Variants in LPP observed in about 807,000 individuals in gnomAD.
LPP encodes the protein lipoma-preferred partner.
LPP carries 38 observed loss-of-function variants against 60.4 expected under a neutral mutation model. That is an observed-to-expected ratio of 0.63 (90% CI 0.49 to 0.83). LPP has a LOEUF of 0.83. LPP is among the 40% of genes least tolerant of loss of function. LPP has a pLI of 0.00. For missense variants in LPP, 902 were observed against 783.6 expected, an observed-to-expected ratio of 1.15 and a Z score of -1.80; for synonymous variants, 328 against 290.8, an observed-to-expected ratio of 1.13 and a Z score of -1.30.
chr3:188,793,047 G>A (rs555597992), intron 9 of LPP, among the ~76,000 whole-genome samples: 4 of 152,286 alleles, frequency 2.6e-5, no homozygotes, highest in Admixed American at 2.0e-4. Flanking sequence ...CCACATCACA[G>A]GAAGCCCAGC....
chr3:188,221,318 C>T (rs1560123408), intron 1 of LPP, among the ~76,000 whole-genome samples: 1 of 152,158 alleles, frequency 6.6e-6, no homozygotes, highest in African/African-American at 2.4e-5. Flanking sequence ...CTCAAAAGGA[C>T]GTTGCATGTA....
intron 2 of LPP, among the ~76,000 whole-genome samples, chr3:188,261,626 G>T (rs1733662389): frequency 6.6e-6 from 1 of 152,064 alleles, no homozygotes; most frequent in Admixed American, 6.6e-5. Context: ...CAATTCTTGG[G>T]ACCGGACATG....
At chr3:188,717,877 G>A (rs534454696) in intron 8 of LPP, among the ~76,000 whole-genome samples, 5 of 152,216 alleles carry the variant, frequency 3.3e-5, no homozygotes, top group Non-Finnish European at 7.3e-5. Context: ...GAGTGCAATG[G>A]TGCGATCTCG....
intron 4 of LPP, chr3:188,472,623 A>T (rs1802127160): frequency 6.6e-6 from 1 of 152,164 alleles, no homozygotes; most frequent in Non-Finnish European, 1.5e-5. Context: ...TAAATCACAG[A>T]AGGCCCCTGG....
chr3:188,642,737 G>A (rs549929328), intron 7 of LPP, among the ~76,000 whole-genome samples: 2 of 152,234 alleles, frequency 1.3e-5, no homozygotes, highest in East Asian at 3.9e-4. Context: ...GGGAGTTTGA[G>A]ACCAGCCTGA....
At chr3:188,225,733 T>C (rs1577383389) in intron 2 of LPP, among the ~76,000 whole-genome samples, 1 of 152,180 alleles carries the variant, frequency 6.6e-6, no homozygotes, top group East Asian at 1.9e-4. Flanking sequence ...GCTAATAAAA[T>C]GTGTGGCAAA....
chr3:188,364,131 T>C (rs1261122723), intron 3 of LPP, among the ~76,000 whole-genome samples: 1 of 152,164 alleles, frequency 6.6e-6, no homozygotes, highest in Non-Finnish European at 1.5e-5. Flanking sequence ...AGGATTACTT[T>C]GGGGATTCAG....
chr3:188,879,403 G>T lies in LPP; in HGVS notation c.*4924G>T. 1 of 214,882 alleles carries T rather than the reference G, an allele frequency of 4.7e-6. No individual in the cohort carries two copies. The highest frequency in any genetic ancestry group is 9.4e-6 in the Non-Finnish European group (1 of 106,524). 13.3% of individuals were successfully genotyped at this position (214,882 alleles called of 1,614,324 possible). On this transcript the variant is annotated 3_prime_UTR_variant, in exon 12 of 12. Coordinates refer to ENST00000617246, the MANE Select transcript of LPP (RefSeq NM_001375462.1). ...GGAATTATGATTATATTCATAAGGG[G>T]AAGGCTACCAGAAAATATATGTGGC...
chr3:188,569,942 C>T (rs2150824408), intron 6 of LPP, among the ~76,000 whole-genome samples: 1 of 151,954 alleles, frequency 6.6e-6, no homozygotes, highest in South Asian at 2.1e-4. Context: ...ATTTGCTTCC[C>T]ATTCTCACTC....
intron 3 of LPP, among the ~76,000 whole-genome samples, chr3:188,398,370 G>A (rs1781454640): frequency 6.6e-6 from 1 of 152,206 alleles, no homozygotes; most frequent in South Asian, 2.1e-4. Flanking sequence ...GTACGCCCAA[G>A]TCCTCTGCAT....
intron 4 of LPP, among the ~76,000 whole-genome samples, chr3:188,431,110 C>A (rs1022900175): frequency 6.6e-6 from 1 of 152,008 alleles, no homozygotes; most frequent in African/African-American, 2.4e-5. Flanking sequence ...AATTAACCTG[C>A]GTGAAATGGT....
At chr3:188,651,517 G>A (rs2138236) in intron 7 of LPP, among the ~76,000 whole-genome samples, 2,408 of 152,250 alleles carry the variant, frequency 0.016, 56 homozygotes, top group African/African-American at 0.055. Context: ...ATATTAGTCC[G>A]TTTTCACGCT....
intron 5 of LPP, among the ~76,000 whole-genome samples, chr3:188,500,485 T>C (rs1811509459): frequency 1.3e-5 from 2 of 152,198 alleles, no homozygotes; most frequent in Non-Finnish European, 1.5e-5. Flanking sequence ...ACTTGGGATA[T>C]TTGATTGAGG....
At chr3:188,588,724 A>C (rs1185994565) in intron 6 of LPP, among the ~76,000 whole-genome samples, 1 of 152,170 alleles carries the variant, frequency 6.6e-6, no homozygotes. Context: ...TTTGTTCTCC[A>C]TACACACCTT....
chr3:188,727,506 A>C (rs1293278418), intron 8 of LPP, among the ~76,000 whole-genome samples: 1 of 152,178 alleles, frequency 6.6e-6, no homozygotes, highest in Non-Finnish European at 1.5e-5. Flanking sequence ...AAATATATTA[A>C]AATAACTTTG....
intron 9 of LPP, among the ~76,000 whole-genome samples, chr3:188,826,094 T>C (rs1755411615): frequency 6.6e-6 from 1 of 152,164 alleles, no homozygotes; most frequent in African/African-American, 2.4e-5. Context: ...GGATAGCCTG[T>C]TACTTATTTT....
intron 9 of LPP, among the ~76,000 whole-genome samples, chr3:188,821,580 T>A (rs1753974976): frequency 6.6e-6 from 1 of 152,072 alleles, no homozygotes; most frequent in Admixed American, 6.6e-5. Context: ...TTCCTTCTTC[T>A]TTTAAACTAA....
At chr3:188,318,817 G>A (rs1755999544) in intron 2 of LPP, among the ~76,000 whole-genome samples, 2 of 138,350 alleles carry the variant, frequency 1.4e-5, no homozygotes, top group Non-Finnish European at 3.0e-5. Flanking sequence ...GGAGTGCAGT[G>A]GCGCGATCTC....
Position 188,715,376 on chromosome 3 carries a change from C to CAAAAA in LPP, c.1240+7009_1240+7013dup, listed in dbSNP as rs35761284. Among the ~76,000 whole-genome samples the CAAAAA allele has an allele frequency of 1.3e-3, 80 of 63,676 alleles. 1 individual carries two copies. The highest frequency in any genetic ancestry group is 1.4e-3 in the Non-Finnish European group (57 of 41,962). 41.8% of individuals were successfully genotyped at this position (63,676 alleles called of 152,430 possible). ...CTGGTGACAGAGGGAGACTCCGTCT[C>CAAAAA]AAAAAAAAAAAAAAAAAAAAAAAAA... On this transcript the variant is annotated intron_variant, in intron 8 of 11. Transcript: ENST00000617246.
Sources: gnomAD v4.1 joint callset for allele counts (sites outside exome capture counted in the v4.1 genomes callset) on GRCh38, gnomAD v4.1.1 for gene constraint, MANE v1.5 for transcripts, NCBI Gene and HGNC (gene_info 2026-07-23, HGNC 2026-07-21) for gene names.